The following TSBP1 variants were observed in gnomAD, a reference collection of about 807,000 sequenced individuals.
TSBP1 encodes the protein testis expressed basic protein 1, also known as testis-expressed basic protein 1.
In TSBP1, 56 loss-of-function variants were observed where a neutral mutation model predicts 68.8. The observed-to-expected ratio is 0.81, with a 90% confidence interval of 0.66 to 1.02. The LOEUF is 1.02. TSBP1 is among the 50% of genes least tolerant of loss of function. TSBP1 has a pLI of 0.00. For missense variants in TSBP1, 502 were observed against 641.2 expected, an observed-to-expected ratio of 0.78 and a Z score of 2.34; for synonymous variants, 171 against 208.7, an observed-to-expected ratio of 0.82 and a Z score of 1.56.
Position 32,323,104 on chromosome 6 carries a change from A to T in TSBP1, c.559+13T>A. 6.4e-7 allele frequency: 1 copy of T among 1,568,280 alleles called. No individual in the cohort carries two copies. The highest frequency in any genetic ancestry group is 8.7e-7 in the Non-Finnish European group (1 of 1,143,452). On this transcript the variant is annotated intron_variant, in intron 18 of 22. Coordinates refer to ENST00000612031, the Ensembl canonical transcript of TSBP1. ...ATAGAGAACCAAAGAAGAAAAAGAGATGTTATACTTACTTATGGGTGCCAT... is the reference window on the plus strand; with the variant it reads ...ATAGAGAACCAAAGAAGAAAAAGAGTTGTTATACTTACTTATGGGTGCCAT...
intron 5 of TSBP1, 42 bp from the exon 6 acceptor site, chr6:32,366,229 T>C: frequency 6.3e-6 from 10 of 1,592,314 alleles, no homozygotes; most frequent in Non-Finnish European, 8.5e-6. Flanking sequence ...TAATTTCTCA[T>C]AAACAGACTC....
chr6:32,363,926 T>C (rs1326619493), intron 6 of TSBP1, among the ~76,000 whole-genome samples: 1 of 152,170 alleles, frequency 6.6e-6, no homozygotes, highest in East Asian at 1.9e-4. Context: ...GGCAGATCTA[T>C]TGGTGATAAA....
chr6:32,317,311 G>GA (rs748989813), intron 18 of TSBP1, among the ~76,000 whole-genome samples: 2 of 152,140 alleles, frequency 1.3e-5, no homozygotes. Flanking sequence ...ATTAACTCAA[G>GA]ATGGTTTAAA....
At chr6:32,367,275 G>GAGAGAGAGAGAGAGAC in intron 4 of TSBP1, among the ~76,000 whole-genome samples, 1 of 152,072 alleles carries the variant, frequency 6.6e-6, no homozygotes, top group South Asian at 2.1e-4. Context: ...AAGAGAGAGA[G>GAGAGAGAGAGAGAGAC]AGACAGCCGA....
chr6:32,325,714 A>G lies in TSBP1; in HGVS notation c.515-2100T>C. ...CCGTGGATAAGACTGTCATTCAGAA[A>G]TACCACAGTGTGAATGGCCACAACT... On this transcript the variant is annotated intron_variant, in intron 16 of 22. Coordinates refer to ENST00000612031, the Ensembl canonical transcript of TSBP1. The surrounding 1 kb of genome is among the most constrained non-coding windows in gnomAD (Gnocchi z 4.4). The G allele has an allele frequency of 9.4e-7, 1 of 1,063,708 alleles. No homozygotes were observed. Among genetic ancestry groups the G allele is most frequent in the Non-Finnish European group, 1.4e-6 (1 of 693,212 alleles). The allele number at this position is 1,063,708 out of a possible 1,614,324, so 65.9% of individuals were successfully genotyped here.
chr6:32,318,066 G>T (rs561658802), intron 18 of TSBP1, among the ~76,000 whole-genome samples: 10 of 152,134 alleles, frequency 6.6e-5, no homozygotes, highest in African/African-American at 2.4e-4. Context: ...GCCCGTCAAC[G>T]ATAGACTGGA....
At chr6:32,350,517 G>C (rs1203363397) in intron 8 of TSBP1, among the ~76,000 whole-genome samples, 1 of 152,140 alleles carries the variant, frequency 6.6e-6, no homozygotes, top group African/African-American at 2.4e-5. Flanking sequence ...CCATATTCTT[G>C]GTAATGAATG....
At chr6:32,362,447 C>T (rs980891534) in intron 6 of TSBP1, among the ~76,000 whole-genome samples, 2 of 152,260 alleles carry the variant, frequency 1.3e-5, no homozygotes, top group African/African-American at 4.8e-5. Flanking sequence ...ACTTTCCATC[C>T]TCCATAACTG....
At chr6:32,371,138 A>G (rs1774374712) in intron 1 of TSBP1, among the ~76,000 whole-genome samples, 1 of 151,916 alleles carries the variant, frequency 6.6e-6, no homozygotes, top group African/African-American at 2.4e-5. Flanking sequence ...ATGTACCTCT[A>G]AAATGAACAG....
At chr6:32,311,545 CA>C (rs1271167343) in intron 19 of TSBP1, among the ~76,000 whole-genome samples, 1 of 152,132 alleles carries the variant, frequency 6.6e-6, no homozygotes, top group Non-Finnish European at 1.5e-5. Flanking sequence ...TGAGGCTGTG[CA>C]GTGCAGAGGT....
intron 19 of TSBP1, among the ~76,000 whole-genome samples, chr6:32,308,015 T>A (rs1214309242): frequency 1.3e-5 from 2 of 152,030 alleles, no homozygotes; most frequent in East Asian, 1.9e-4. Context: ...CCTCAAGTGA[T>A]CTACCCGCTT....
rs2127608430 is a variant in TSBP1 at position 32,338,112 on chromosome 6, G to A, written c.409+867C>T. On this transcript the variant is annotated intron_variant, in intron 11 of 22. Transcript: ENST00000612031. This position sits in a 1 kb window ranked among gnomAD's most constrained non-coding sequence, Gnocchi z 5.5. ...GTGGGGAATCTGCAGGGCTGGAAAA[G>A]CTGGTTAAATTTGGACCAAGTGCAT... 6.6e-6 allele frequency among the ~76,000 whole-genome samples: 1 copy of A among 152,288 alleles called. No individual in the cohort carries two copies. Among genetic ancestry groups the A allele is most frequent in the East Asian group, 1.9e-4 (1 of 5,190 alleles).
chr6:32,300,264 T>G (rs1170206210), intron 21 of TSBP1, among the ~76,000 whole-genome samples: 1 of 152,234 alleles, frequency 6.6e-6, no homozygotes, highest in Non-Finnish European at 1.5e-5. Flanking sequence ...AGTTTTTTGC[T>G]CACTGTTCTG....
At position 32,338,840 on chromosome 6, in the gene TSBP1, G is replaced by A; in HGVS notation, c.409+139C>T. On this transcript the variant is annotated intron_variant, in intron 11 of 22. Transcript: ENST00000612031. The surrounding 1 kb of genome is among the most constrained non-coding windows in gnomAD (Gnocchi z 5.5). ...GAGGCACCCCAGTTTATTAAGATAA[G>A]AATAGGGAATAAACAAGGGGAAAGG... 1.4e-6 allele frequency: 1 copy of A among 736,290 alleles called. No homozygotes were observed. The highest frequency in any genetic ancestry group is 2.5e-5 in the East Asian group (1 of 40,104). The allele number at this position is 736,290 out of a possible 1,614,324, so 45.6% of individuals were successfully genotyped here.
At chr6:32,297,142 CT>C (rs1764803087) in intron 22 of TSBP1, among the ~76,000 whole-genome samples, 1 of 152,098 alleles carries the variant, frequency 6.6e-6, no homozygotes. Flanking sequence ...ATTCTAAGTT[CT>C]TTTCTTCCTT....
At chr6:32,355,743 G>A in intron 6 of TSBP1, 74 bp from the exon 7 acceptor site, 1 of 1,515,588 alleles carries the variant, frequency 6.6e-7, no homozygotes, top group Non-Finnish European at 8.8e-7. Flanking sequence ...CACTACAGAG[G>A]ATTACCCAAT....
At position 32,338,379 on chromosome 6, in the gene TSBP1, A is replaced by G. The variant is rs146347154; in HGVS notation, c.409+600T>C. ...TAAAGGGCTGGCAAAATCTCAGATC[A>G]TATAAAAGTCATTGTTTCCATTTAC... On this transcript the variant is annotated intron_variant, in intron 11 of 22. Transcript: ENST00000612031. The surrounding 1 kb of genome is among the most constrained non-coding windows in gnomAD (Gnocchi z 5.5). Among the ~76,000 whole-genome samples the G allele has an allele frequency of 6.0e-3, 915 of 152,272 alleles. 42 individuals are homozygous for G. In the South Asian group the frequency reaches 0.09, roughly 15 times the overall value.
At chr6:32,324,794 T>A (rs74839053) in intron 16 of TSBP1, 549,025 of 1,414,288 alleles carry the variant, frequency 0.39, 109,839 homozygotes, top group Middle Eastern at 0.56. Flanking sequence ...TTTTTTTTTT[T>A]AATCAAAGGC....
At chr6:32,299,299 T>C (rs74290539) in intron 22 of TSBP1, among the ~76,000 whole-genome samples, 2,452 of 152,324 alleles carry the variant, frequency 0.016, 68 homozygotes, top group East Asian at 0.042. Flanking sequence ...CCTAGCACAG[T>C]GCACAAATAC....
Sources: allele counts gnomAD v4.1 joint callset (sites outside exome capture counted in the v4.1 genomes callset), GRCh38; gene constraint gnomAD v4.1.1; non-coding constraint Gnocchi (gnomAD v3.1); transcripts MANE v1.5; gene names NCBI Gene and HGNC (gene_info 2026-07-23, HGNC 2026-07-21).